SLC25A31: variants seen among roughly 807,000 people sequenced by gnomAD.
SLC25A31 encodes ADP/ATP translocase 4.
In SLC25A31, 40 loss-of-function variants were observed where a neutral mutation model predicts 36.2. The observed-to-expected ratio is 1.10, with a 90% CI of 0.86 to 1.44. The LOEUF is 1.44. Among genes scored for constraint, SLC25A31 ranks in the 40% most tolerant of loss-of-function variants. The pLI is 0.00. For synonymous variants in SLC25A31, 143 were observed against 149.7 expected (o/e 0.96, Z 0.32); for missense variants, 350 against 397.1 (o/e 0.88, Z 1.01).
rs1471281037 is a variant in SLC25A31, at chr4:127,773,698, T to A, written c.*124T>A. On this transcript the variant is annotated 3_prime_UTR_variant, in exon 6 of 6. Coordinates refer to ENST00000281154, the MANE Select transcript of SLC25A31 (RefSeq NM_031291.4). ...TTTTGTTAAAGTGCTAGTTCTGCAATAAAGCATACATTTTTTCAAGAATTT... is the reference window on the plus strand; with the variant it reads ...TTTTGTTAAAGTGCTAGTTCTGCAAAAAAGCATACATTTTTTCAAGAATTT... 1 of 699,214 alleles carries A rather than the reference T, an allele frequency of 1.4e-6. No individual in the cohort carries two copies. Among genetic ancestry groups the A allele is most frequent in the Non-Finnish European group, 2.1e-6 (1 of 474,886 alleles). The allele number at this position is 699,214 out of a possible 1,614,324, so 43.3% of individuals were successfully genotyped here. A position where few individuals can be genotyped will look rare whatever the true frequency, so the allele number is the denominator to read the frequency against.
intron 2 of SLC25A31, among the ~76,000 whole-genome samples, chr4:127,758,006 C>G (rs975926378): frequency 1.3e-5 from 2 of 152,074 alleles, no homozygotes; most frequent in Non-Finnish European, 2.9e-5. Flanking sequence ...AAGGGCACTT[C>G]TTACATGGTA....
chr4:127,768,242 T>C (rs1456278048), intron 4 of SLC25A31, among the ~76,000 whole-genome samples: 1 of 152,072 alleles, frequency 6.6e-6, no homozygotes, highest in Non-Finnish European at 1.5e-5. Flanking sequence ...TAGTGTATTT[T>C]TTAGACTGCT....
intron 2 of SLC25A31, among the ~76,000 whole-genome samples, chr4:127,752,119 C>G (rs1338768550): frequency 6.6e-6 from 1 of 152,258 alleles, no homozygotes; most frequent in African/African-American, 2.4e-5. Flanking sequence ...CACATGCATA[C>G]GTATGTTTAT....
chr4:127,766,986 G>T, intron 3 of SLC25A31, 80 bp from the exon 4 acceptor site: 2 of 1,222,090 alleles, frequency 1.6e-6, no homozygotes, highest in East Asian at 2.7e-5. Flanking sequence ...AGATCATTTA[G>T]ATCTGTAAAG....
At chr4:127,744,194 A>ATTG (rs1731781263) in intron 1 of SLC25A31, among the ~76,000 whole-genome samples, 1 of 152,188 alleles carries the variant, frequency 6.6e-6, no homozygotes, top group Non-Finnish European at 1.5e-5. Context: ...ACCCATTCAA[A>ATTG]ATGGTTCCAG....
chr4:127,773,544 A>G lies in SLC25A31; in HGVS notation c.918A>G (p.Glu306=). The change falls in exon 6 of 6, where the codon GAA becomes GAG. Residue 306 remains glutamate (E), a synonymous_variant. Transcript: ENST00000281154. ...LVLVLYDKIK[E]FFHIDIGGR ...TGGTATTATATGATAAAATTAAAGAATTCTTTCATATTGATATTGGTGGTA... is the reference window on the plus strand; with the variant it reads ...TGGTATTATATGATAAAATTAAAGAGTTCTTTCATATTGATATTGGTGGTA... 1 of 1,601,944 alleles carries G rather than the reference A, an allele frequency of 6.2e-7. No homozygotes were observed. The highest frequency in any genetic ancestry group is 8.5e-7 in the Non-Finnish European group (1 of 1,176,330).
chr4:127,758,726 G>A (rs1346304380), intron 2 of SLC25A31, among the ~76,000 whole-genome samples: 1 of 152,132 alleles, frequency 6.6e-6, no homozygotes, highest in African/African-American at 2.4e-5. Flanking sequence ...GTTGAATAGG[G>A]TGTCCTTTTC....
chr4:127,767,817 T>TAGGAAAAAGAAAAA (rs1732274128), intron 4 of SLC25A31, among the ~76,000 whole-genome samples: 8 of 152,040 alleles, frequency 5.3e-5, no homozygotes, highest in African/African-American at 1.9e-4. Context: ...TAGGAAACTT[T>TAGGAAAAAGAAAAA]TTAAAGTACT....
intron 4 of SLC25A31, 47 bp downstream of exon 4, chr4:127,767,267 T>C (rs1290339515): frequency 2.9e-6 from 4 of 1,366,768 alleles, no homozygotes; most frequent in Non-Finnish European, 3.9e-6. Context: ...ATGGTTTCCA[T>C]TTATTTAATT....
chr4:127,754,616 T>C (rs1056733451), intron 2 of SLC25A31, among the ~76,000 whole-genome samples: 5 of 150,166 alleles, frequency 3.3e-5, no homozygotes, highest in African/African-American at 1.2e-4. Flanking sequence ...TTTAAAACAC[T>C]GATTAAAGAA....
chr4:127,755,710 T>A (rs1732016430), intron 2 of SLC25A31, among the ~76,000 whole-genome samples: 1 of 152,120 alleles, frequency 6.6e-6, no homozygotes, highest in Non-Finnish European at 1.5e-5. Context: ...CTATAGACGC[T>A]TTAGAAAATA....
At chr4:127,767,023 G>A in intron 3 of SLC25A31, 43 bp from the exon 4 acceptor site, 1 of 1,522,414 alleles carries the variant, frequency 6.6e-7, no homozygotes, top group Non-Finnish European at 8.9e-7. Context: ...GTGTTTATTG[G>A]ATATATAATG....
At chr4:127,758,179 T>C (rs940683835) in intron 2 of SLC25A31, among the ~76,000 whole-genome samples, 2 of 152,204 alleles carry the variant, frequency 1.3e-5, no homozygotes, top group Non-Finnish European at 2.9e-5. Context: ...ATGTGGGAAT[T>C]CTGGGAGATA....
chr4:127,773,312 T>C, intron 5 of SLC25A31, 74 bp from the exon 6 acceptor site: 1 of 1,346,992 alleles, frequency 7.4e-7, no homozygotes, highest in Non-Finnish European at 1.0e-6. Context: ...TATCTATCCT[T>C]AGTGCTAATA....
At chr4:127,764,765 C>T (rs1360889369) in intron 3 of SLC25A31, among the ~76,000 whole-genome samples, 3 of 151,906 alleles carry the variant, frequency 2.0e-5, no homozygotes, top group Admixed American at 2.0e-4. Context: ...TGTTATTACA[C>T]CCTTGTTTTT....
At chr4:127,734,297 T>G (rs912769315) in intron 1 of SLC25A31, among the ~76,000 whole-genome samples, 3 of 152,140 alleles carry the variant, frequency 2.0e-5, no homozygotes, top group African/African-American at 7.2e-5. Flanking sequence ...TGGTGGCTCA[T>G]GCCTGTAATG....
At chr4:127,764,846 T>TA (rs1732211343) in intron 3 of SLC25A31, among the ~76,000 whole-genome samples, 1 of 152,058 alleles carries the variant, frequency 6.6e-6, no homozygotes, top group African/African-American at 2.4e-5. Context: ...TTACATATCT[T>TA]AAAAAAAGTG....
chr4:127,736,461 G>A (rs1731635058), intron 1 of SLC25A31, among the ~76,000 whole-genome samples: 1 of 152,144 alleles, frequency 6.6e-6, no homozygotes, highest in African/African-American at 2.4e-5. Context: ...TGACTAGAGA[G>A]TCAAAACGTT....
At position 127,751,535 on chromosome 4, in the gene SLC25A31, C is replaced by G. The variant is rs572711343; in HGVS notation, c.360+6736C>G. 9.3e-4 allele frequency among the ~76,000 whole-genome samples: 141 copies of G among 152,276 alleles called. 1 individual carries two copies. Among genetic ancestry groups the G allele is most frequent in the African/African-American group, 3.3e-3 (139 of 41,568 alleles). On this transcript the variant is annotated intron_variant, in intron 2 of 5. Transcript: ENST00000281154. ...GGGCAAGGACTTCATGTCTAAAACA[C>G]CAAAAGCAATGGCAACACAAGCCAA...
Sources: gnomAD v4.1 joint callset for allele counts (sites outside exome capture counted in the v4.1 genomes callset) on GRCh38, gnomAD v4.1.1 for gene constraint, MANE v1.5 for transcripts, NCBI Gene and HGNC (gene_info 2026-07-23, HGNC 2026-07-21) for gene names.